Variants in ZNRF3 observed in about 807,000 individuals in gnomAD.
ZNRF3 encodes zinc and ring finger 3.
In ZNRF3, 23 loss-of-function variants were observed where a neutral mutation model predicts 72.5. That is an observed-to-expected ratio of 0.32 (90% confidence interval 0.23 to 0.45). The LOEUF (loss-of-function observed/expected upper bound fraction) is 0.45, where lower values mean the gene tolerates loss of function less well. Among genes scored for constraint, ZNRF3 ranks in the 20% least tolerant of loss-of-function variants. The pLI is 1.00. For synonymous variants in ZNRF3, 610 were observed against 545.3 expected (o/e 1.12, Z -1.65); for missense variants, 1,169 against 1,272.1 (o/e 0.92, Z 1.23).
At chr22:28,884,251 C>CG (rs1040843952) in intron 1 of ZNRF3, among the ~76,000 whole-genome samples, 185 bp downstream of exon 1, 1 of 151,820 alleles carries the variant, frequency 6.6e-6, no homozygotes, top group African/African-American at 2.4e-5. Context: ...GGCGCATCCG[C>CG]GGGGGGCGAG....
At chr22:28,996,920 A>AG (rs1317327911) in intron 2 of ZNRF3, among the ~76,000 whole-genome samples, 9 of 152,180 alleles carry the variant, frequency 5.9e-5, no homozygotes, top group Non-Finnish European at 1.3e-4. Context: ...TGTGGGGATG[A>AG]GGGGCCTTAT....
At chr22:29,006,022 G>A (rs2123848204) in intron 2 of ZNRF3, among the ~76,000 whole-genome samples, 1 of 150,210 alleles carries the variant, frequency 6.7e-6, no homozygotes, top group South Asian at 2.1e-4. Flanking sequence ...CAACAAGAGT[G>A]AAACTCTGTC....
Position 29,050,930 on chromosome 22 carries a change from A to G in ZNRF3, c.2749A>G (p.Thr917Ala), listed in dbSNP as rs1191347330. Reference sequence around the variant, plus strand: ...CCAGGACACTCAGGAGTCCAGCACCACTGCCACTGAGGCTGCAGGTGAGAG... The same window carrying G: ...CCAGGACACTCAGGAGTCCAGCACCGCTGCCACTGAGGCTGCAGGTGAGAG... ...ALQDTQESSTTATEAAGPRSH... is the reference protein window; with the variant it reads ...ALQDTQESSTAATEAAGPRSH... Residue 917 changes from threonine to alanine, a missense_variant, in exon 8 of 9, where the codon ACT becomes GCT. By Grantham distance (58) the Thr-to-Ala change is moderately conservative. Coordinates refer to ENST00000544604, the MANE Select transcript of ZNRF3 (RefSeq NM_001206998.2). 2.0e-6 allele frequency: 3 copies of G among 1,521,348 alleles called. No individual in the cohort carries two copies. Among genetic ancestry groups the G allele is most frequent in the South Asian group, 2.6e-5 (2 of 78,148 alleles). 94.2% of individuals were successfully genotyped at this position (1,521,348 alleles called of 1,614,324 possible). A position where few individuals can be genotyped will look rare whatever the true frequency, so the allele number is the denominator to read the frequency against.
intron 1 of ZNRF3, among the ~76,000 whole-genome samples, chr22:28,967,944 GA>G (rs969113979): frequency 8.4e-5 from 12 of 143,098 alleles, no homozygotes; most frequent in Non-Finnish European, 1.4e-4. Flanking sequence ...AAAAAAAAAA[GA>G]AAAAAACACA....
chr22:28,922,471 T>C (rs963556545), intron 1 of ZNRF3, among the ~76,000 whole-genome samples: 4 of 152,240 alleles, frequency 2.6e-5, no homozygotes, highest in Non-Finnish European at 4.4e-5. Context: ...ATTTCTTGGA[T>C]CCGTATTCGC....
At position 29,053,919 on chromosome 22, in the gene ZNRF3, C is replaced by G. The variant is rs2037254874; in HGVS notation, c.*297C>G. On this transcript the variant is annotated 3_prime_UTR_variant, in exon 9 of 9. Transcript: ENST00000544604. ...CCGAGGTGTGGGATTGAGTTCTCTG[C>G]TTTGTTTTTTTTTAAGATATTGTAT... 1 of 240,332 alleles carries G rather than the reference C, an allele frequency of 4.2e-6. No individual in the cohort carries two copies. Among genetic ancestry groups the G allele is most frequent in the South Asian group, 1.6e-4 (1 of 6,266 alleles). The allele number at this position is 240,332 out of a possible 1,614,324, so 14.9% of individuals were successfully genotyped here.
At chr22:28,961,746 A>G (rs1048324050) in intron 1 of ZNRF3, among the ~76,000 whole-genome samples, 11 of 152,358 alleles carry the variant, frequency 7.2e-5, no homozygotes, top group African/African-American at 2.6e-4. Context: ...TACCCAAGAC[A>G]CACAGTGAAA....
At chr22:29,009,640 C>T (rs1339936555) in intron 2 of ZNRF3, among the ~76,000 whole-genome samples, 1 of 151,874 alleles carries the variant, frequency 6.6e-6, no homozygotes, top group African/African-American at 2.4e-5. Context: ...ACTTAAAATC[C>T]AAGAAGATTT....
intron 1 of ZNRF3, among the ~76,000 whole-genome samples, chr22:28,926,325 A>G (rs1321535090): frequency 6.6e-6 from 1 of 152,006 alleles, no homozygotes; most frequent in East Asian, 1.9e-4. Context: ...AAAATCTCTA[A>G]ACAGTATTTT....
intron 1 of ZNRF3, among the ~76,000 whole-genome samples, chr22:28,971,139 T>C (rs2035568091): frequency 6.6e-6 from 1 of 152,078 alleles, no homozygotes; most frequent in Non-Finnish European, 1.5e-5. Context: ...CAGTGAGCTA[T>C]GATGGTGCCA....
At chr22:29,045,411 C>G (rs2037049779) in intron 5 of ZNRF3, among the ~76,000 whole-genome samples, 1 of 150,208 alleles carries the variant, frequency 6.7e-6, no homozygotes, top group Non-Finnish European at 1.5e-5. Flanking sequence ...AGTGCCTTCT[C>G]TGTTCTAAAA....
At chr22:28,931,179 TG>T (rs145905040) in intron 1 of ZNRF3, among the ~76,000 whole-genome samples, 1,633 of 152,352 alleles carry the variant, frequency 0.011, 46 homozygotes, top group African/African-American at 0.038. Context: ...TTTGCCAGTA[TG>T]CCTCTTTTGT....
intron 1 of ZNRF3, among the ~76,000 whole-genome samples, chr22:28,974,027 G>A (rs1028811330): frequency 8.3e-5 from 12 of 144,090 alleles, no homozygotes; most frequent in East Asian, 4.2e-4. Flanking sequence ...GCGCGATCTC[G>A]GCTCACTGCA....
At chr22:28,988,084 G>A (rs2035888554) in intron 2 of ZNRF3, among the ~76,000 whole-genome samples, 1 of 152,142 alleles carries the variant, frequency 6.6e-6, no homozygotes, top group South Asian at 2.1e-4. Flanking sequence ...AATATGACAG[G>A]TAACAACCTG....
chr22:28,937,937 G>T lies in ZNRF3; in HGVS notation c.301-49139G>T, dbSNP rs923906597. ...TGCAAAGATAGAACAGAGGGCTCCT[G>T]TATACCCAGCACCCAGTTTCTCTTA... On this transcript the variant is annotated intron_variant, in intron 1 of 8. Transcript: ENST00000544604. Among the ~76,000 whole-genome samples, 3 of 152,184 alleles carry T rather than the reference G, an allele frequency of 2.0e-5. No homozygotes were observed. In the East Asian group the frequency reaches 5.8e-4, roughly 29 times the overall value.
chr22:28,903,167 C>A (rs2034139261), intron 1 of ZNRF3, among the ~76,000 whole-genome samples: 1 of 152,178 alleles, frequency 6.6e-6, no homozygotes, highest in Non-Finnish European at 1.5e-5. Context: ...GCTTCACCTG[C>A]TTATCCCTAC....
intron 1 of ZNRF3, among the ~76,000 whole-genome samples, chr22:28,918,413 A>G (rs73881179): frequency 0.018 from 2,789 of 152,196 alleles, 99 homozygotes; most frequent in African/African-American, 0.064. Context: ...CTCGTAACCT[A>G]TAGAGCTGAG....
chr22:28,941,540 G>A (rs2034947893), intron 1 of ZNRF3, among the ~76,000 whole-genome samples: 1 of 152,148 alleles, frequency 6.6e-6, no homozygotes, highest in South Asian at 2.1e-4. Flanking sequence ...TGAAGAGCCA[G>A]TAAAATGTTG....
chr22:29,052,899 A>G (rs1276598758), intron 8 of ZNRF3, among the ~76,000 whole-genome samples: 1 of 152,118 alleles, frequency 6.6e-6, no homozygotes, highest in Non-Finnish European at 1.5e-5. Flanking sequence ...GCTGAGCCCA[A>G]GAGATTGAGG....
Sources: allele counts gnomAD v4.1 joint callset (sites outside exome capture counted in the v4.1 genomes callset), GRCh38; gene constraint gnomAD v4.1.1; transcripts MANE v1.5; gene names NCBI Gene and HGNC (gene_info 2026-07-23, HGNC 2026-07-21).